The following EFR3A variants were observed in gnomAD, a reference collection of about 807,000 sequenced individuals.
EFR3A encodes EFR3 homolog A, also known as protein EFR3 homolog A.
In EFR3A, 76 loss-of-function variants were observed where a neutral mutation model predicts 104.4. The ratio of observed to expected loss-of-function variants is 0.73; its 90% CI spans 0.60 to 0.88. EFR3A has a LOEUF of 0.88. EFR3A is among the 40% of genes least tolerant of loss of function. EFR3A has a pLI of 0.00. For missense variants in EFR3A, 985 were observed against 1,012.5 expected, an observed-to-expected ratio of 0.97 and a Z score of 0.37; for synonymous variants, 330 against 330.0, an observed-to-expected ratio of 1.00 and a Z score of 0.00.
At chr8:131,994,413 G>A (rs1434690786) in intron 18 of EFR3A, among the ~76,000 whole-genome samples, 2 of 152,112 alleles carry the variant, frequency 1.3e-5, no homozygotes, top group African/African-American at 4.8e-5. Flanking sequence ...GAGGGCCTGG[G>A]GCAGTCTGAG....
Position 131,950,040 on chromosome 8 carries a change from A to T in EFR3A, c.438A>T (p.Arg146=), listed in dbSNP as rs1473346793. Residue 146 remains arginine, a synonymous_variant, in exon 5 of 23, where the codon CGA becomes CGT. Transcript: ENST00000254624. The part of the protein sequence containing the change: ...YHRRYDFFVS[R]FSAMCHSCHS... ...GACGTTATGACTTTTTTGTGTCTCGATTCAGTGCCATGTGCCATTCCTGTC... is the reference window on the plus strand; with the variant it reads ...GACGTTATGACTTTTTTGTGTCTCGTTTCAGTGCCATGTGCCATTCCTGTC... The T allele has an allele frequency of 6.2e-7, 1 of 1,609,688 alleles. No homozygotes were observed.
Position 132,011,745 on chromosome 8 carries a change from A to G in EFR3A, c.*850A>G, listed in dbSNP as rs1822355602. ...CAGAAAAAAGACATTTAAAACAGCT[A>G]TTAGTTCACCTGTGAAGAGTCTGTA... On this transcript the variant is annotated 3_prime_UTR_variant, in exon 23 of 23. Transcript: ENST00000254624. 6.6e-6 allele frequency: 1 copy of G among 152,578 alleles called. No individual in the cohort carries two copies. Among genetic ancestry groups the G allele is most frequent in the African/African-American group, 2.4e-5 (1 of 41,448 alleles). 9.5% of individuals were successfully genotyped at this position (152,578 alleles called of 1,614,324 possible). A position where few individuals can be genotyped will look rare whatever the true frequency, so the allele number is the denominator to read the frequency against.
intron 18 of EFR3A, among the ~76,000 whole-genome samples, chr8:131,993,457 C>G (rs1821308990): frequency 6.6e-6 from 1 of 152,090 alleles, no homozygotes; most frequent in Non-Finnish European, 1.5e-5. Flanking sequence ...TGACTAACAG[C>G]ATTAGTTACA....
intron 18 of EFR3A, among the ~76,000 whole-genome samples, chr8:131,995,191 ATGC>A (rs1360178331): frequency 6.6e-6 from 1 of 152,162 alleles, no homozygotes; most frequent in Non-Finnish European, 1.5e-5. Flanking sequence ...TACCATCTCC[ATGC>A]TGCAGACTGA....
chr8:131,986,975 A>G (rs1820919865), intron 17 of EFR3A, among the ~76,000 whole-genome samples: 1 of 152,140 alleles, frequency 6.6e-6, no homozygotes, highest in Non-Finnish European at 1.5e-5. Flanking sequence ...GGAAGAAAGA[A>G]TGTATTAAGG....
At chr8:131,922,891 G>C (rs1817118434) in intron 1 of EFR3A, among the ~76,000 whole-genome samples, 1 of 152,070 alleles carries the variant, frequency 6.6e-6, no homozygotes, top group African/African-American at 2.4e-5. Flanking sequence ...TGAACTTTCT[G>C]TTTTATAACT....
chr8:131,938,096 T>C (rs72728683), intron 1 of EFR3A: 1 of 390,744 alleles, frequency 2.6e-6, no homozygotes, highest in Non-Finnish European at 4.5e-6. Flanking sequence ...CAATGACAAG[T>C]TAGGTAAGTT....
chr8:131,945,832 C>T (rs997844369), intron 3 of EFR3A, among the ~76,000 whole-genome samples: 4 of 151,950 alleles, frequency 2.6e-5, no homozygotes, highest in Admixed American at 1.3e-4. Context: ...AGTACATTGT[C>T]GCTAACTTTA....
intron 1 of EFR3A, among the ~76,000 whole-genome samples, chr8:131,910,152 C>T (rs1416888407): frequency 6.6e-6 from 1 of 152,220 alleles, no homozygotes; most frequent in Non-Finnish European, 1.5e-5. Flanking sequence ...CAGAACTATA[C>T]TAGCCGAGTA....
chr8:131,907,073 A>G (rs1816294912), intron 1 of EFR3A, among the ~76,000 whole-genome samples: 1 of 152,342 alleles, frequency 6.6e-6, no homozygotes, highest in East Asian at 1.9e-4. Flanking sequence ...CAGTAACCAC[A>G]GTGAGCATAG....
chr8:131,977,109 A>C lies in EFR3A; in HGVS notation c.1326+17A>C. On this transcript the variant is annotated intron_variant, in intron 12 of 22. Coordinates refer to ENST00000254624, the MANE Select transcript of EFR3A (RefSeq NM_015137.6). ...TTGCTTATGGTAAGGCATTTAAGACAAATAAAGGACACACTTAACCTTAAA... is the reference window on the plus strand; with the variant it reads ...TTGCTTATGGTAAGGCATTTAAGACCAATAAAGGACACACTTAACCTTAAA... The C allele has an allele frequency of 6.3e-7, 1 of 1,578,080 alleles. No homozygotes were observed.
chr8:131,930,590 C>T (rs1205010812), intron 1 of EFR3A, among the ~76,000 whole-genome samples: 1 of 151,938 alleles, frequency 6.6e-6, no homozygotes, highest in African/African-American at 2.4e-5. Flanking sequence ...ATTTTAAAGA[C>T]CATTTAGTCA....
chr8:131,976,182 A>C, intron 11 of EFR3A, 41 bp downstream of exon 11: 1 of 1,263,140 alleles, frequency 7.9e-7, no homozygotes, highest in Non-Finnish European at 1.1e-6. Flanking sequence ...ATCTTGAGTT[A>C]CATTTTATCC....
chr8:131,929,567 T>G (rs6471011), intron 1 of EFR3A, among the ~76,000 whole-genome samples: 65,578 of 151,934 alleles, frequency 0.43, 14,423 homozygotes, highest in Middle Eastern at 0.55. Flanking sequence ...GATAATTCTT[T>G]CTGTATGTGA....
chr8:131,954,173 A>G (rs1023249044), intron 6 of EFR3A, among the ~76,000 whole-genome samples: 2 of 152,122 alleles, frequency 1.3e-5, no homozygotes, highest in African/African-American at 4.8e-5. Flanking sequence ...TATTATTCAT[A>G]CACTTAAGCC....
At chr8:131,969,707 T>G (rs564372243) in intron 9 of EFR3A, among the ~76,000 whole-genome samples, 1 of 152,292 alleles carries the variant, frequency 6.6e-6, no homozygotes, top group East Asian at 1.9e-4. Flanking sequence ...CTTGAAGAGA[T>G]AAAACTGGTT....
chr8:131,923,627 T>G (rs1292453693), intron 1 of EFR3A, among the ~76,000 whole-genome samples: 1 of 151,952 alleles, frequency 6.6e-6, no homozygotes, highest in Non-Finnish European at 1.5e-5. Context: ...TAGTATAAAG[T>G]GTTTTATTTA....
intron 4 of EFR3A, among the ~76,000 whole-genome samples, chr8:131,947,261 C>T (rs867800727): frequency 1.3e-5 from 2 of 151,908 alleles, no homozygotes; most frequent in Admixed American, 6.6e-5. Flanking sequence ...TTTCATTTCC[C>T]TAATGATTAA....
Position 131,904,220 on chromosome 8 carries a change from C to T in EFR3A, c.-93C>T. 8.0e-7 allele frequency: 1 copy of T among 1,245,380 alleles called. No individual in the cohort carries two copies. The highest frequency in any genetic ancestry group is 2.9e-5 in the South Asian group (1 of 34,264). 77.1% of individuals were successfully genotyped at this position (1,245,380 alleles called of 1,614,324 possible). A position where few individuals can be genotyped will look rare whatever the true frequency, so the allele number is the denominator to read the frequency against. On this transcript the variant is annotated 5_prime_UTR_variant, in exon 1 of 23. Transcript: ENST00000254624. Reference sequence around the variant, plus strand: ...TTCGCCCTTCGCCTCGTTCCGGCCTCCGCGGCCCAGCAACGGCCGTCATGG... The same window carrying T: ...TTCGCCCTTCGCCTCGTTCCGGCCTTCGCGGCCCAGCAACGGCCGTCATGG...
Sources: allele counts gnomAD v4.1 joint callset (sites outside exome capture counted in the v4.1 genomes callset), GRCh38; gene constraint gnomAD v4.1.1; transcripts MANE v1.5; gene names NCBI Gene and HGNC (gene_info 2026-07-23, HGNC 2026-07-21).